ZNF385D: variants seen among roughly 807,000 people sequenced by gnomAD.
ZNF385D encodes the protein zinc finger protein 659.
ZNF385D carries 15 observed loss-of-function variants against 35.8 expected under a neutral mutation model. That is an observed-to-expected ratio of 0.42 (90% CI 0.28 to 0.64). The LOEUF is 0.64. Ranked by LOEUF, ZNF385D falls within the 30% of genes least tolerant of loss-of-function variation. The probability of loss-of-function intolerance (pLI) is 0.23; values close to 1 mark genes in which losing one functional copy is unlikely to be tolerated. For synonymous variants in ZNF385D, 212 were observed against 186.8 expected, an observed-to-expected ratio of 1.13 and a Z score of -1.10; for missense variants, 474 against 494.6, an observed-to-expected ratio of 0.96 and a Z score of 0.39.
intron 3 of ZNF385D, among the ~76,000 whole-genome samples, chr3:21,954,121 A>G (rs946931650): frequency 2.0e-5 from 3 of 151,842 alleles, no homozygotes; most frequent in Non-Finnish European, 4.4e-5. Context: ...AAGATACAAC[A>G]TATGTCCTCT....
chr3:22,106,146 C>T (rs938558428), intron 3 of ZNF385D, among the ~76,000 whole-genome samples: 3 of 152,024 alleles, frequency 2.0e-5, no homozygotes, highest in African/African-American at 7.2e-5. Context: ...ATTTGTGGCT[C>T]CAAAAATCTC....
intron 2 of ZNF385D, among the ~76,000 whole-genome samples, chr3:21,623,852 A>G (rs1049464065): frequency 6.6e-6 from 1 of 152,110 alleles, no homozygotes; most frequent in Admixed American, 6.6e-5. Context: ...TGAGCTGAAG[A>G]TTCTCTTTCT....
At chr3:22,320,031 T>C (rs1287692904) in intron 2 of ZNF385D, among the ~76,000 whole-genome samples, 1 of 152,004 alleles carries the variant, frequency 6.6e-6, no homozygotes, top group Non-Finnish European at 1.5e-5. Context: ...ATTTGGAAGA[T>C]CCTGAATTTC....
intron 3 of ZNF385D, among the ~76,000 whole-genome samples, chr3:22,125,711 T>C (rs1703387566): frequency 1.3e-5 from 2 of 152,146 alleles, no homozygotes; most frequent in South Asian, 2.1e-4. Flanking sequence ...ATTCTTGATT[T>C]ATCAAATTGT....
intron 3 of ZNF385D, among the ~76,000 whole-genome samples, chr3:22,013,974 C>T (rs1318222960): frequency 2.6e-5 from 4 of 151,948 alleles, no homozygotes; most frequent in Non-Finnish European, 5.9e-5. Context: ...AACAAACTGA[C>T]CAAATGTTTG....
At chr3:21,731,078 A>T (rs959335711) in intron 1 of ZNF385D, among the ~76,000 whole-genome samples, 1 of 152,196 alleles carries the variant, frequency 6.6e-6, no homozygotes, top group Non-Finnish European at 1.5e-5. Context: ...ATGCTGTAAA[A>T]TATATATGCA....
At chr3:22,011,891 A>G (rs1696596431) in intron 3 of ZNF385D, among the ~76,000 whole-genome samples, 1 of 152,148 alleles carries the variant, frequency 6.6e-6, no homozygotes, top group Non-Finnish European at 1.5e-5. Flanking sequence ...TGCATATAGT[A>G]GCACCAACAA....
At chr3:21,897,862 C>T (rs1162284632) in intron 3 of ZNF385D, among the ~76,000 whole-genome samples, 7 of 152,136 alleles carry the variant, frequency 4.6e-5, no homozygotes, top group Middle Eastern at 3.4e-3. Context: ...TAGTGTGTAT[C>T]GAAAAGAAGA....
At chr3:22,182,214 G>A (rs1044298118) in intron 2 of ZNF385D, among the ~76,000 whole-genome samples, 1 of 151,922 alleles carries the variant, frequency 6.6e-6, no homozygotes. Context: ...TAACTCTCTT[G>A]CAATAATTAA....
At chr3:21,794,819 AC>A (rs1418864487) in intron 3 of ZNF385D, among the ~76,000 whole-genome samples, 2 of 152,176 alleles carry the variant, frequency 1.3e-5, no homozygotes, top group African/African-American at 4.8e-5. Flanking sequence ...TCTGTCACTT[AC>A]CACTGCTGTG....
At chr3:21,581,464 A>G (rs2063660913) in intron 2 of ZNF385D, among the ~76,000 whole-genome samples, 1 of 152,116 alleles carries the variant, frequency 6.6e-6, no homozygotes, top group Non-Finnish European at 1.5e-5. Context: ...TCCCCAACCT[A>G]AATTGCAAAA....
chr3:22,120,067 G>A (rs1163497512), intron 3 of ZNF385D, among the ~76,000 whole-genome samples: 2 of 149,604 alleles, frequency 1.3e-5, no homozygotes, highest in Non-Finnish European at 3.0e-5. Flanking sequence ...TAGTCTCAAA[G>A]CACTCAATTC....
At chr3:21,832,548 A>G (rs1695059984) in intron 3 of ZNF385D, among the ~76,000 whole-genome samples, 1 of 152,130 alleles carries the variant, frequency 6.6e-6, no homozygotes, top group African/African-American at 2.4e-5. Flanking sequence ...TTTTCTAGGA[A>G]CATCTCCCAA....
chr3:22,313,636 A>G (rs535801783), intron 2 of ZNF385D, among the ~76,000 whole-genome samples: 8 of 152,312 alleles, frequency 5.3e-5, no homozygotes, highest in Admixed American at 3.3e-4. Flanking sequence ...ATACAAGTGT[A>G]TAATTCATAA....
intron 1 of ZNF385D, among the ~76,000 whole-genome samples, chr3:21,668,063 C>G (rs1490159): frequency 6.6e-6 from 1 of 152,062 alleles, no homozygotes; most frequent in Admixed American, 6.5e-5. Context: ...TATTTTTAGA[C>G]TATCTGCTAT....
intron 4 of ZNF385D, among the ~76,000 whole-genome samples, chr3:21,469,345 A>G (rs1014730398): frequency 2.0e-4 from 31 of 152,156 alleles, no homozygotes; most frequent in African/African-American, 7.5e-4. Context: ...GTCCTCTCAC[A>G]ACCTGCAGTA....
At chr3:21,746,803 G>C (rs2069792344) in intron 1 of ZNF385D, among the ~76,000 whole-genome samples, 1 of 152,242 alleles carries the variant, frequency 6.6e-6, no homozygotes, top group East Asian at 1.9e-4. Context: ...GTTTTTCTCT[G>C]CTGCCTGCTG....
intron 3 of ZNF385D, among the ~76,000 whole-genome samples, chr3:21,536,717 T>C (rs1250517372): frequency 6.6e-6 from 1 of 152,054 alleles, no homozygotes; most frequent in African/African-American, 2.4e-5. Context: ...TAAATAATTA[T>C]GTAGAATATT....
chr3:22,074,512 A>G (rs1255707355), intron 3 of ZNF385D, among the ~76,000 whole-genome samples: 1 of 151,986 alleles, frequency 6.6e-6, no homozygotes, highest in African/African-American at 2.4e-5. Flanking sequence ...TCTGATTATC[A>G]TAAGAGAAAA....
Sources: gnomAD v4.1 joint callset for allele counts (sites outside exome capture counted in the v4.1 genomes callset) on GRCh38, gnomAD v4.1.1 for gene constraint, MANE v1.5 for transcripts, NCBI Gene and HGNC (gene_info 2026-07-23, HGNC 2026-07-21) for gene names.